Variants in ASXL3 observed in about 807,000 individuals in gnomAD.
ASXL3 encodes the protein ASXL transcriptional regulator 3, also known as putative Polycomb group protein ASXL3.
A neutral mutation model predicts 170.6 loss-of-function variants in ASXL3; 34 were observed. The ratio of observed to expected loss-of-function variants is 0.20; its 90% CI spans 0.15 to 0.27. The LOEUF (loss-of-function observed/expected upper bound fraction) is 0.27, where lower values mean the gene tolerates loss of function less well. ASXL3 is among the 10% of genes least tolerant of loss of function. The probability of loss-of-function intolerance (pLI) is 1.00; values close to 1 mark genes in which losing one functional copy is unlikely to be tolerated. For missense variants in ASXL3, 2,592 were observed against 2,695.3 expected, an observed-to-expected ratio of 0.96 and a Z score of 0.85; for synonymous variants, 1,002 against 989.1, an observed-to-expected ratio of 1.01 and a Z score of -0.24.
chr18:33,619,043 C>T (rs2065470399), intron 2 of ASXL3, among the ~76,000 whole-genome samples: 1 of 151,942 alleles, frequency 6.6e-6, no homozygotes, highest in Non-Finnish European at 1.5e-5. Context: ...GGCTTAATGC[C>T]AAGGACTTTA....
intron 1 of ASXL3, among the ~76,000 whole-genome samples, chr18:33,595,036 A>C (rs950038090): frequency 6.6e-6 from 1 of 152,172 alleles, no homozygotes; most frequent in Non-Finnish European, 1.5e-5. Flanking sequence ...GCTTAAGTCT[A>C]CTGGTCTGTA....
chr18:33,742,863 A>G (rs768069852), intron 11 of ASXL3, 25 bp from the exon 12 acceptor site: 13 of 1,550,698 alleles, frequency 8.4e-6, no homozygotes, highest in Non-Finnish European at 1.0e-5. Flanking sequence ...AGCACATTAT[A>G]TTTTTTTTTC....
rs753820658 is a variant in ASXL3 at position 33,744,437 on chromosome 18, A to G, written c.4589A>G (p.Asn1530Ser). Residue 1530 changes from asparagine to serine, a missense_variant, in exon 12 of 12, where the codon AAC becomes AGC. Physicochemically the swap from Asn to Ser is conservative, Grantham distance 46. Coordinates refer to ENST00000269197, the MANE Select transcript of ASXL3 (RefSeq NM_030632.3). Reference sequence around the variant, plus strand: ...ATTAGCAGGCCTGAGCCAGTTGCCAACGAAGGTATAGATCACAGTTCCACT... The same window carrying G: ...ATTAGCAGGCCTGAGCCAGTTGCCAGCGAAGGTATAGATCACAGTTCCACT... ...SVISRPEPVANEGIDHSSTFI... is the reference protein window; with the variant it reads ...SVISRPEPVASEGIDHSSTFI... The G allele has an allele frequency of 7.4e-6, 12 of 1,613,778 alleles. No homozygotes were observed. Among genetic ancestry groups the G allele is most frequent in the South Asian group, 4.4e-5 (4 of 91,060 alleles).
At chr18:33,712,185 CTGTT>C (rs2067077435) in intron 8 of ASXL3, among the ~76,000 whole-genome samples, 1 of 152,072 alleles carries the variant, frequency 6.6e-6, no homozygotes, top group South Asian at 2.1e-4. Context: ...ATGATTTTGG[CTGTT>C]TGTTTTCCAC....
intron 1 of ASXL3, 111 bp from the exon 2 acceptor site, chr18:33,607,483 G>C (rs2065267297): frequency 1.1e-6 from 1 of 883,180 alleles, no homozygotes; most frequent in African/African-American, 1.7e-5. Context: ...TGCTTTTGAT[G>C]TAAAAGCCCC....
At chr18:33,683,810 A>T (rs891504926) in intron 8 of ASXL3, among the ~76,000 whole-genome samples, 4 of 152,214 alleles carry the variant, frequency 2.6e-5, no homozygotes, top group Non-Finnish European at 5.9e-5. Flanking sequence ...ATAAACTTAC[A>T]TTGGAAAGGG....
At chr18:33,701,451 A>T (rs1272801802) in intron 8 of ASXL3, among the ~76,000 whole-genome samples, 9 of 152,104 alleles carry the variant, frequency 5.9e-5, no homozygotes, top group Non-Finnish European at 1.3e-4. Flanking sequence ...ACTTATTTAG[A>T]TCTTTAACTT....
chr18:33,639,793 CTTG>C (rs1160385627), intron 2 of ASXL3, among the ~76,000 whole-genome samples: 3 of 152,100 alleles, frequency 2.0e-5, no homozygotes, highest in South Asian at 2.1e-4. Flanking sequence ...TATGTCTCTA[CTTG>C]TTGTACAAAC....
intron 2 of ASXL3, chr18:33,626,042 T>G (rs891673258): frequency 2.0e-5 from 3 of 152,038 alleles, no homozygotes; most frequent in African/African-American, 7.2e-5. Flanking sequence ...TATGGTAGTT[T>G]AGGTGAAAGG....
intron 8 of ASXL3, among the ~76,000 whole-genome samples, chr18:33,707,537 A>G (rs1298952669): frequency 1.3e-5 from 2 of 151,676 alleles, no homozygotes; most frequent in African/African-American, 4.8e-5. Flanking sequence ...ATTTTTTTCC[A>G]GTGAATGTGC....
chr18:33,601,126 A>G (rs796835234), intron 1 of ASXL3, among the ~76,000 whole-genome samples: 134 of 152,250 alleles, frequency 8.8e-4, no homozygotes, highest in African/African-American at 3.0e-3. Context: ...AGGGATGAGA[A>G]TATGTGGCTA....
At chr18:33,716,584 G>C (rs770513205) in intron 8 of ASXL3, among the ~76,000 whole-genome samples, 95 of 152,232 alleles carry the variant, frequency 6.2e-4, no homozygotes, top group Admixed American at 1.3e-3. Flanking sequence ...TAGGATTTTT[G>C]TGTAGGTGTT....
intron 9 of ASXL3, 87 bp from the exon 10 acceptor site, chr18:33,734,223 G>A: frequency 1.2e-6 from 1 of 840,214 alleles, no homozygotes; most frequent in Non-Finnish European, 1.8e-6. Context: ...ATCCATAAAA[G>A]TTTACTCAAA....
rs1262968835 is a variant in ASXL3, at chr18:33,578,573, C to A, written c.-59C>A. ...CTGGGTCATTGTCTCCGCGCCCGAA[C>A]CCCGAGCACCCCGTGGAATCCCCCA... On this transcript the variant is annotated 5_prime_UTR_variant, in exon 1 of 12. Coordinates refer to ENST00000269197, the MANE Select transcript of ASXL3 (RefSeq NM_030632.3). 12 of 1,129,424 alleles carry A rather than the reference C, an allele frequency of 1.1e-5. No individual in the cohort carries two copies. In the African/African-American group the frequency reaches 1.5e-4, roughly 14 times the overall value. The allele number at this position is 1,129,424 out of a possible 1,614,324, so 70.0% of individuals were successfully genotyped here.
chr18:33,727,419 C>A (rs1353293400), intron 8 of ASXL3, among the ~76,000 whole-genome samples: 1 of 152,030 alleles, frequency 6.6e-6, no homozygotes. Context: ...CCTTTGAATT[C>A]CAGTTGGCAC....
In ASXL3 at chr18:33,738,482, T is replaced by C. The variant is rs2067586245; in HGVS notation, c.1083-5T>C. The C allele has an allele frequency of 6.3e-7, 1 of 1,589,646 alleles. No homozygotes were observed. Among genetic ancestry groups the C allele is most frequent in the Admixed American group, 1.8e-5 (1 of 54,984 alleles). ...AGCAATAATTTATTTCTAATTTCTG[T>C]ACAGGCTGGGCATGTCAAGAGAGGA... On this transcript the variant is annotated splice_polypyrimidine_tract_variant and splice_region_variant and intron_variant, in intron 10 of 11. Coordinates refer to ENST00000269197, the MANE Select transcript of ASXL3 (RefSeq NM_030632.3).
At chr18:33,686,102 C>T (rs2066592979) in intron 8 of ASXL3, among the ~76,000 whole-genome samples, 1 of 152,216 alleles carries the variant, frequency 6.6e-6, no homozygotes, top group South Asian at 2.1e-4. Context: ...TTGTGTTACT[C>T]AGTTTTTTGT....
Position 33,744,420 on chromosome 18 carries a change from G to T in ASXL3, c.4572G>T (p.Arg1524Ser). The T allele has an allele frequency of 6.2e-7, 1 of 1,613,780 alleles. No individual in the cohort carries two copies. The highest frequency in any genetic ancestry group is 1.7e-5 in the Admixed American group (1 of 60,004). The change falls in exon 12 of 12, where the codon AGG becomes AGT. Residue 1524 changes from arginine (R) to serine (S), a missense_variant. Physicochemically the swap from Arg to Ser is moderately radical, Grantham distance 110. Coordinates refer to ENST00000269197, the MANE Select transcript of ASXL3 (RefSeq NM_030632.3). ...GTCCTCAGGTGTCTGTGATTAGCAG[G>T]CCTGAGCCAGTTGCCAACGAAGGTA... ...VACPQVSVISRPEPVANEGID... is the reference protein window; with the variant it reads ...VACPQVSVISSPEPVANEGID...
At chr18:33,640,333 C>T (rs564782143) in intron 2 of ASXL3, among the ~76,000 whole-genome samples, 2 of 151,888 alleles carry the variant, frequency 1.3e-5, no homozygotes, top group Admixed American at 6.6e-5. Context: ...TATTTTCAGT[C>T]ATTTTAGAGA....
Sources: gnomAD v4.1 joint callset for allele counts (sites outside exome capture counted in the v4.1 genomes callset) on GRCh38, gnomAD v4.1.1 for gene constraint, MANE v1.5 for transcripts, NCBI Gene and HGNC (gene_info 2026-07-23, HGNC 2026-07-21) for gene names.